LRRK1: variants seen among roughly 807,000 people sequenced by gnomAD.
The protein encoded by LRRK1 is leucine-rich repeat serine/threonine-protein kinase 1.
Under a neutral mutation model 209.1 loss-of-function variants are expected in LRRK1, and 113 were observed. That is an observed-to-expected ratio of 0.54 (90% CI 0.46 to 0.63). The LOEUF is 0.63. Ranked by LOEUF, LRRK1 falls within the 30% of genes least tolerant of loss-of-function variation. The pLI is 0.00. For synonymous variants in LRRK1, 1,144 were observed against 1,099.7 expected (o/e 1.04, Z -0.80); for missense variants, 2,284 against 2,632.2 (o/e 0.87, Z 2.89).
At chr15:101,010,196 C>A (rs1022060630) in intron 7 of LRRK1, among the ~76,000 whole-genome samples, 1 of 152,162 alleles carries the variant, frequency 6.6e-6, no homozygotes, top group South Asian at 2.1e-4. Flanking sequence ...TACATGCCTG[C>A]GAAGGATTCG....
At chr15:101,040,665 TA>T (rs1192266244) in intron 20 of LRRK1, among the ~76,000 whole-genome samples, 2 of 152,244 alleles carry the variant, frequency 1.3e-5, no homozygotes, top group Non-Finnish European at 2.9e-5. Flanking sequence ...CATAACTTTC[TA>T]AGCACTGCTT....
chr15:100,999,287 C>A (rs2032577889), intron 6 of LRRK1, among the ~76,000 whole-genome samples: 2 of 152,218 alleles, frequency 1.3e-5, no homozygotes, highest in East Asian at 1.9e-4. Context: ...GTTTTAAAAA[C>A]CTCTCTACCT....
At chr15:101,019,158 GGTGTTGCCTCT>G (rs1317746469) in intron 12 of LRRK1, among the ~76,000 whole-genome samples, 1 of 152,192 alleles carries the variant, frequency 6.6e-6, no homozygotes, top group Non-Finnish European at 1.5e-5. Flanking sequence ...GTCTGTTACA[GGTGTTGCCTCT>G]GTTTGCAATC....
chr15:101,061,186 G>A lies in LRRK1; in HGVS notation c.4695G>A (p.Val1565=), dbSNP rs368629610. Residue 1565 remains valine (V), a synonymous_variant, in exon 30 of 34, where the codon GTG becomes GTA. Transcript: ENST00000388948. ...GKEESRNYTV[V]NTEKGLMEVQ... ...CCACTTACAGGAACTACACGGTGGT[G>A]AACACAGAGAAGGGCCTCATGGAGG... The A allele has an allele frequency of 1.9e-6, 3 of 1,613,858 alleles. No homozygotes were observed. Among genetic ancestry groups the A allele is most frequent in the African/African-American group, 1.3e-5 (1 of 75,010 alleles).
At chr15:100,960,764 A>AT (rs1440046324) in intron 2 of LRRK1, among the ~76,000 whole-genome samples, 2 of 152,252 alleles carry the variant, frequency 1.3e-5, no homozygotes, top group African/African-American at 4.8e-5. Flanking sequence ...CGAATGAGCA[A>AT]TAAATAAATG....
chr15:101,074,120 C>T lies in LRRK1; in HGVS notation c.*5272C>T, dbSNP rs1193296775. 1 of 152,148 alleles carries T rather than the reference C, an allele frequency of 6.6e-6. No individual in the cohort carries two copies. Among genetic ancestry groups the T allele is most frequent in the African/African-American group, 2.4e-5 (1 of 41,410 alleles). The allele number at this position is 152,148 out of a possible 1,614,324, so 9.4% of individuals were successfully genotyped here. On this transcript the variant is annotated 3_prime_UTR_variant, in exon 34 of 34. Coordinates refer to ENST00000388948, the MANE Select transcript of LRRK1 (RefSeq NM_024652.6). ...AACTCATCCCAAATCTTCCTTCTTTCCCTCCCGCCTGTCTCCTCAGTCCCA... is the reference window on the plus strand; with the variant it reads ...AACTCATCCCAAATCTTCCTTCTTTTCCTCCCGCCTGTCTCCTCAGTCCCA...
chr15:100,941,412 CTGTGTG>C (rs1301524815), intron 2 of LRRK1, among the ~76,000 whole-genome samples: 2 of 12,782 alleles, frequency 1.6e-4, no homozygotes, highest in African/African-American at 2.8e-4. Flanking sequence ...GTGTGTGTCT[CTGTGTG>C]TGTGTGTGTC....
In LRRK1 at chr15:100,986,035, C is replaced by CAAA. The variant is rs36053618; in HGVS notation, c.433+2349_433+2351dup. On this transcript the variant is annotated intron_variant, in intron 4 of 33. Transcript: ENST00000388948. The stretch of plus-strand genomic sequence containing the variant: ...GTAACATAGTGAGACCCTGTATCTA[C>CAAA]AAAAAAAAAAAAAAATTTAAATTAA... Among the ~76,000 whole-genome samples, 1,079 of 128,518 alleles carry CAAA rather than the reference C, an allele frequency of 8.4e-3. 12 individuals are homozygous for CAAA. The highest frequency in any genetic ancestry group is 0.029 in the African/African-American group (1,034 of 36,216). 84.3% of individuals were successfully genotyped at this position (128,518 alleles called of 152,430 possible).
chr15:101,047,660 A>G (rs1008470805), intron 21 of LRRK1, among the ~76,000 whole-genome samples: 8 of 152,216 alleles, frequency 5.3e-5, no homozygotes, highest in African/African-American at 1.7e-4. Flanking sequence ...CATCCATCAC[A>G]TTAGCAAAAA....
intron 16 of LRRK1, among the ~76,000 whole-genome samples, chr15:101,025,325 G>A (rs960024831): frequency 7.2e-5 from 11 of 152,256 alleles, no homozygotes; most frequent in South Asian, 2.1e-4. Context: ...AGCACCCTCC[G>A]TGGAGGAGGT....
chr15:100,977,418 G>A (rs1270257575), intron 3 of LRRK1, among the ~76,000 whole-genome samples: 3 of 152,188 alleles, frequency 2.0e-5, no homozygotes, highest in Admixed American at 1.3e-4. Context: ...CCCACCCCAC[G>A]GTGTCAGAGA....
At chr15:100,952,044 G>A (rs928133975) in intron 2 of LRRK1, among the ~76,000 whole-genome samples, 1 of 151,682 alleles carries the variant, frequency 6.6e-6, no homozygotes, top group African/African-American at 2.4e-5. Flanking sequence ...AATAAGTCTT[G>A]AAAACATGCT....
Position 100,928,776 on chromosome 15 carries a change from A to T in LRRK1, c.97+4047A>T, listed in dbSNP as rs140393875. 8.8e-3 allele frequency among the ~76,000 whole-genome samples: 1,335 copies of T among 152,178 alleles called. 5 individuals carry two copies. The highest frequency in any genetic ancestry group is 0.014 in the Non-Finnish European group (960 of 68,016). ...GTGACCTCAGCTCATGTTTGTTTAC[A>T]ATGGTTAATCCTTTCAAAGCCCCTG... On this transcript the variant is annotated intron_variant, in intron 2 of 33. Transcript: ENST00000388948.
At chr15:100,945,703 G>A (rs2042528741) in intron 2 of LRRK1, among the ~76,000 whole-genome samples, 1 of 151,790 alleles carries the variant, frequency 6.6e-6, no homozygotes, top group Admixed American at 6.6e-5. Flanking sequence ...ATGTTGGCCA[G>A]GCTGGTCTCA....
At chr15:101,009,712 C>T (rs1452900485) in intron 7 of LRRK1, among the ~76,000 whole-genome samples, 4 of 152,148 alleles carry the variant, frequency 2.6e-5, no homozygotes, top group Non-Finnish European at 4.4e-5. Context: ...CTCAGCCTCC[C>T]GAGTAACTGG....
Position 101,069,868 on chromosome 15 carries a change from T to C in LRRK1, c.*1020T>C, listed in dbSNP as rs1030703825. 1 of 152,370 alleles carries C rather than the reference T, an allele frequency of 6.6e-6. No homozygotes were observed. Among genetic ancestry groups the C allele is most frequent in the Admixed American group, 6.5e-5 (1 of 15,284 alleles). The allele number at this position is 152,370 out of a possible 1,614,324, so 9.4% of individuals were successfully genotyped here. ...ACAACAGCAAACATTTTATAAACTA[T>C]GCACATGCATTACACACATGCACAC... On this transcript the variant is annotated 3_prime_UTR_variant, in exon 34 of 34. Coordinates refer to ENST00000388948, the MANE Select transcript of LRRK1 (RefSeq NM_024652.6).
At position 101,027,758 on chromosome 15, in the gene LRRK1, C is replaced by A; in HGVS notation, c.2647C>A (p.Pro883Thr). ...GCTGGAGCAGCTGGTGGAGCAGACG[C>A]CCGACAACGACATCAAGGACTACGA... is the stretch of plus-strand genomic sequence containing the variant. ...RQLEQLVEQTPDNDIKDYEDL... is the reference protein window; with the variant it reads ...RQLEQLVEQTTDNDIKDYEDL... The change falls in exon 19 of 34, where the codon CCC becomes ACC. Residue 883 changes from proline (P) to threonine (T), a missense_variant. Physicochemically the swap from Pro to Thr is conservative, Grantham distance 38. Around this residue, in one of 6 missense-constraint regions of LRRK1, gnomAD observed 780 missense variants for 985.2 expected, o/e 0.79. Transcript: ENST00000388948. The surrounding 1 kb of genome is among the most constrained non-coding windows in gnomAD (Gnocchi z 5.1). 1 of 1,602,396 alleles carries A rather than the reference C, an allele frequency of 6.2e-7. No individual in the cohort carries two copies. The highest frequency in any genetic ancestry group is 1.1e-5 in the South Asian group (1 of 88,948).
intron 2 of LRRK1, among the ~76,000 whole-genome samples, chr15:100,957,855 T>C (rs2042795862): frequency 1.3e-5 from 2 of 152,230 alleles, no homozygotes; most frequent in African/African-American, 4.8e-5. Context: ...TTTCGGATTG[T>C]TCTGTAGTTG....
rs1274712658 is a variant in LRRK1 at position 101,069,726 on chromosome 15, T to G, written c.*878T>G. On this transcript the variant is annotated 3_prime_UTR_variant, in exon 34 of 34. Coordinates refer to ENST00000388948, the MANE Select transcript of LRRK1 (RefSeq NM_024652.6). The stretch of plus-strand genomic sequence containing the variant: ...AGTAATATCTCAGCAGTCAGGCTTC[T>G]GGTTGTGAAATCACATTGTATGGGA... The G allele has an allele frequency of 6.5e-6, 1 of 152,694 alleles. No individual in the cohort carries two copies. The highest frequency in any genetic ancestry group is 2.4e-5 in the African/African-American group (1 of 41,476). 9.5% of individuals were successfully genotyped at this position (152,694 alleles called of 1,614,324 possible).
Sources: gnomAD v4.1 joint callset for allele counts (sites outside exome capture counted in the v4.1 genomes callset) on GRCh38, gnomAD v4.1.1 for gene constraint, gnomAD v4.1.1 regional missense constraint, Gnocchi (gnomAD v3.1) non-coding constraint, MANE v1.5 for transcripts, NCBI Gene and HGNC (gene_info 2026-07-23, HGNC 2026-07-21) for gene names.